DRD3: variants seen among roughly 807,000 people sequenced by gnomAD.
The protein encoded by DRD3 is D(3) dopamine receptor.
A neutral mutation model predicts 36.3 loss-of-function variants in DRD3; 19 were observed. The observed-to-expected ratio is 0.52, with a 90% confidence interval of 0.36 to 0.77. DRD3 has a LOEUF of 0.77. Among genes scored for constraint, DRD3 ranks in the 30% least tolerant of loss-of-function variants. The probability of loss-of-function intolerance (pLI) is 0.00; values close to 1 mark genes in which losing one functional copy is unlikely to be tolerated. For missense variants in DRD3, 465 were observed against 505.3 expected (o/e 0.92, Z 0.77); for synonymous variants, 195 against 203.7 (o/e 0.96, Z 0.36).
upstream of DRD3, among the ~76,000 whole-genome samples, chr3:114,181,581 T>C (rs1273690429): frequency 6.6e-6 from 1 of 152,156 alleles, no homozygotes; most frequent in Non-Finnish European, 1.5e-5. Context: ...AAGAAAAATA[T>C]AGATCATTTT....
upstream of DRD3, among the ~76,000 whole-genome samples, chr3:114,182,607 C>CT (rs941910229): frequency 6.6e-6 from 1 of 151,844 alleles, no homozygotes; most frequent in African/African-American, 2.4e-5. Context: ...CTAATTTTTT[C>CT]TTTTTTTCTT....
At chr3:114,137,680 C>T (rs1303583546) in intron 5 of DRD3, among the ~76,000 whole-genome samples, 2 of 152,056 alleles carry the variant, frequency 1.3e-5, no homozygotes, top group Admixed American at 6.5e-5. Flanking sequence ...AACCCTGTCT[C>T]TACTAAAAAT....
chr3:114,131,215 A>G lies in DRD3; in HGVS notation c.909T>C (p.Asn303=), dbSNP rs201716308. 5.0e-6 allele frequency: 8 copies of G among 1,614,078 alleles called. No individual in the cohort carries two copies. Among genetic ancestry groups the G allele is most frequent in the Non-Finnish European group, 6.8e-6 (8 of 1,180,044 alleles). ...GCTTCAAAGATGTCGATAATCTGCC[A>G]TTGCTGAGTTTTCGAACTTCTAAGC... ...KLSLEVRKLS[N]GRLSTSLKLG... Residue 303 remains asparagine, a synonymous_variant, in exon 6 of 7, where the codon AAT becomes AAC. Coordinates refer to ENST00000383673, the MANE Select transcript of DRD3 (RefSeq NM_000796.6).
intron 3 of DRD3, among the ~76,000 whole-genome samples, chr3:114,156,212 A>G (rs2630351): frequency 0.92 from 140,538 of 152,290 alleles, 64,940 homozygotes; most frequent in Non-Finnish European, 0.94. Flanking sequence ...GTAATCTTAA[A>G]CTTTGTGCTA....
intron 1 of DRD3, among the ~76,000 whole-genome samples, chr3:114,190,361 A>G (rs1247348966): frequency 7.2e-6 from 1 of 138,838 alleles, no homozygotes; most frequent in Admixed American, 7.6e-5. Flanking sequence ...CAATCCATGC[A>G]TAACTATTGC....
intron 5 of DRD3, among the ~76,000 whole-genome samples, chr3:114,131,786 A>T (rs2077433648): frequency 6.6e-6 from 1 of 152,264 alleles, no homozygotes; most frequent in Non-Finnish European, 1.5e-5. Flanking sequence ...GAAGACATTT[A>T]TGCAGCCAAC....
At chr3:114,185,337 G>A (rs779986142) in intron 1 of DRD3, among the ~76,000 whole-genome samples, 2 of 151,910 alleles carry the variant, frequency 1.3e-5, no homozygotes, top group Non-Finnish European at 2.9e-5. Context: ...AATTTTCATT[G>A]TATCTGCAAG....
At chr3:114,136,553 A>G (rs932284186) in intron 5 of DRD3, among the ~76,000 whole-genome samples, 1 of 152,136 alleles carries the variant, frequency 6.6e-6, no homozygotes, top group Non-Finnish European at 1.5e-5. Context: ...CTTGGCCTTG[A>G]AGCCTCCTTA....
At chr3:114,181,753 C>T (rs1488132249), upstream of DRD3, among the ~76,000 whole-genome samples, 2 of 152,134 alleles carry the variant, frequency 1.3e-5, no homozygotes, top group African/African-American at 4.8e-5. Flanking sequence ...CATATGGTTA[C>T]TCAGTGATTT....
chr3:114,159,695 A>G lies in DRD3; in HGVS notation c.383+60T>C, dbSNP rs183915085. On this transcript the variant is annotated intron_variant, in intron 3 of 6. Transcript: ENST00000383673. ...TGACCCCAGTACCCTCAAGTGCACAATCTGTCTCTCCCCACTTCCCCAGCT... is the reference window on the plus strand; with the variant it reads ...TGACCCCAGTACCCTCAAGTGCACAGTCTGTCTCTCCCCACTTCCCCAGCT... 512 of 1,437,354 alleles carry G rather than the reference A, an allele frequency of 3.6e-4. 1 individual carries two copies. Among genetic ancestry groups the G allele is most frequent in the Non-Finnish European group, 4.8e-4 (486 of 1,021,626 alleles). The allele number at this position is 1,437,354 out of a possible 1,614,324, so 89.0% of individuals were successfully genotyped here.
At chr3:114,145,588 T>C (rs1260936494) in intron 4 of DRD3, among the ~76,000 whole-genome samples, 3 of 152,222 alleles carry the variant, frequency 2.0e-5, no homozygotes, top group African/African-American at 7.2e-5. Flanking sequence ...TTACATATGT[T>C]ATCCCAATTT....
At chr3:114,142,632 T>G (rs1199472879) in intron 4 of DRD3, among the ~76,000 whole-genome samples, 1 of 152,152 alleles carries the variant, frequency 6.6e-6, no homozygotes, top group Non-Finnish European at 1.5e-5. Context: ...GATGGGAGAA[T>G]GTAGTAATCT....
intron 3 of DRD3, 88 bp from the exon 4 acceptor site, chr3:114,147,645 G>A: frequency 6.7e-7 from 1 of 1,496,696 alleles, no homozygotes; most frequent in Non-Finnish European, 9.1e-7. Flanking sequence ...TGTTTTTGGA[G>A]ACAGGGTCTC....
At chr3:114,151,881 G>A (rs1479050512) in intron 3 of DRD3, among the ~76,000 whole-genome samples, 4 of 152,194 alleles carry the variant, frequency 2.6e-5, no homozygotes, top group Non-Finnish European at 4.4e-5. Context: ...AAGTCAGCAT[G>A]GCAAGGGTGG....
intron 3 of DRD3, among the ~76,000 whole-genome samples, chr3:114,152,133 T>C (rs562759595): frequency 3.9e-4 from 60 of 152,320 alleles, no homozygotes; most frequent in African/African-American, 1.4e-3. Flanking sequence ...AAGTTCTTCG[T>C]GGTGATTCGC....
chr3:114,198,360 G>A (rs1210036775), intron 1 of DRD3, among the ~76,000 whole-genome samples: 1 of 151,900 alleles, frequency 6.6e-6, no homozygotes, highest in Non-Finnish European at 1.5e-5. Context: ...TGGTCTCGAA[G>A]TCCTGAGGTC....
intron 3 of DRD3, among the ~76,000 whole-genome samples, chr3:114,157,200 C>A (rs972802169): frequency 6.6e-6 from 1 of 151,852 alleles, no homozygotes; most frequent in South Asian, 2.1e-4. Flanking sequence ...ATTACAGGCA[C>A]CCACCACCAT....
At position 114,128,130 on chromosome 3, in the gene DRD3, A is replaced by G. The variant is rs2107824670; in HGVS notation, c.*586T>C. ...AATGAAGCCCCCATCCCAATGTGGGACAGTGTTTCTCTTGGTGTGAGAAAT... is the reference window on the plus strand; with the variant it reads ...AATGAAGCCCCCATCCCAATGTGGGGCAGTGTTTCTCTTGGTGTGAGAAAT... On this transcript the variant is annotated 3_prime_UTR_variant, in exon 7 of 7. Coordinates refer to ENST00000383673, the MANE Select transcript of DRD3 (RefSeq NM_000796.6). 6.6e-6 allele frequency among the ~76,000 whole-genome samples: 1 copy of G among 152,360 alleles called. No homozygotes were observed. Among genetic ancestry groups the G allele is most frequent in the East Asian group, 1.9e-4 (1 of 5,186 alleles).
intron 4 of DRD3, among the ~76,000 whole-genome samples, chr3:114,143,148 T>G (rs997815022): frequency 9.2e-5 from 14 of 152,258 alleles, no homozygotes; most frequent in Admixed American, 9.2e-4. Context: ...TGCAAGAGTG[T>G]TGTTTTGTTA....
Sources: allele counts gnomAD v4.1 joint callset (sites outside exome capture counted in the v4.1 genomes callset), GRCh38; gene constraint gnomAD v4.1.1; transcripts MANE v1.5; gene names NCBI Gene and HGNC (gene_info 2026-07-23, HGNC 2026-07-21).